The following MTM1 variants were observed in gnomAD, a reference collection of about 807,000 sequenced individuals.
MTM1 encodes myotubularin.
In MTM1, 9 loss-of-function variants were observed where a neutral mutation model predicts 52.1. The observed-to-expected ratio is 0.17, with a 90% CI of 0.10 to 0.30. MTM1 has a LOEUF of 0.30. Among genes scored for constraint, MTM1 ranks in the 10% least tolerant of loss-of-function variants. The pLI is 1.00. For missense variants in MTM1, 277 were observed against 470.7 expected (o/e 0.59, Z 3.81); for synonymous variants, 136 against 163.8 (o/e 0.83, Z 1.29).
At position 150,672,516 on chromosome X, in the gene MTM1, C is replaced by T. The variant is rs1475991851; in HGVS notation, c.*921C>T. 2 of 111,686 alleles carry T rather than the reference C, an allele frequency of 1.8e-5. No individual in the cohort carries two copies. The highest frequency in any genetic ancestry group is 6.5e-5 in the African/African-American group (2 of 30,701). The allele number at this position is 111,686 out of a possible 1,213,427, so 9.2% of individuals were successfully genotyped here. On this transcript the variant is annotated 3_prime_UTR_variant, in exon 15 of 15. Transcript: ENST00000370396. ...AGCATCATCCTTAGAAATCAGTGCC[C>T]CAGATGTACATGTGTTGAGCGTATT...
intron 6 of MTM1, among the ~76,000 whole-genome samples, chrX:150,630,757 T>C (rs782248445): frequency 2.1e-4 from 24 of 111,827 alleles, no homozygotes; most frequent in Non-Finnish European, 4.3e-4. Flanking sequence ...AGAGTCTGTG[T>C]TGAGGGGCTC....
At chrX:150,574,775 A>G (rs1557411579) in intron 1 of MTM1, among the ~76,000 whole-genome samples, 1 of 112,182 alleles carries the variant, frequency 8.9e-6, no homozygotes, top group Admixed American at 9.4e-5. Context: ...TGAGGATTTC[A>G]TCAGATTCAC....
At chrX:150,588,972 T>G (rs369808807) in intron 1 of MTM1, among the ~76,000 whole-genome samples, 6 of 111,942 alleles carry the variant, frequency 5.4e-5, no homozygotes, top group East Asian at 2.8e-4. Flanking sequence ...ATTCACTCAT[T>G]TAACAAATAC....
chrX:150,611,478 G>A (rs1240424269), intron 4 of MTM1, among the ~76,000 whole-genome samples: 1 of 111,669 alleles, frequency 9.0e-6, no homozygotes, highest in African/African-American at 3.3e-5. Context: ...AATTATACTC[G>A]TACACTTTTT....
intron 6 of MTM1, among the ~76,000 whole-genome samples, chrX:150,632,199 G>A (rs370577619): frequency 3.6e-4 from 40 of 111,895 alleles, no homozygotes; most frequent in African/African-American, 1.2e-3. Flanking sequence ...TGTCACAGGA[G>A]CACAAAGGAG....
intron 1 of MTM1, among the ~76,000 whole-genome samples, chrX:150,570,236 AAAAAT>A (rs10552569): frequency 0.22 from 24,782 of 110,724 alleles, 3,037 homozygotes; most frequent in African/African-American, 0.47. Flanking sequence ...CACACAATAA[AAAAAT>A]AAACAATGAT....
intron 1 of MTM1, among the ~76,000 whole-genome samples, chrX:150,576,404 G>A (rs1412719515): frequency 9.0e-6 from 1 of 111,486 alleles, no homozygotes; most frequent in Non-Finnish European, 1.9e-5. Flanking sequence ...TCCTACTATT[G>A]TTTGTTTGTG....
intron 8 of MTM1, among the ~76,000 whole-genome samples, chrX:150,645,047 C>T (rs1352098799): frequency 8.9e-6 from 1 of 111,892 alleles, no homozygotes; most frequent in Non-Finnish European, 1.9e-5. Flanking sequence ...GCTTGGCAAC[C>T]AGGGAGCAAA....
chrX:150,620,047 A>T (rs1228533096), intron 6 of MTM1, among the ~76,000 whole-genome samples: 4 of 112,007 alleles, frequency 3.6e-5, no homozygotes, highest in African/African-American at 1.3e-4. Context: ...TGTGATTTTT[A>T]AAAATATGTC....
chrX:150,622,367 G>A (rs2039497457), intron 6 of MTM1, among the ~76,000 whole-genome samples: 1 of 111,744 alleles, frequency 8.9e-6, no homozygotes, highest in Non-Finnish European at 1.9e-5. Context: ...TGGAATAGCA[G>A]TCCCTGATAT....
At chrX:150,568,304 G>A (rs1271292782), upstream of MTM1, among the ~76,000 whole-genome samples, 3 of 113,193 alleles carry the variant, frequency 2.7e-5, no homozygotes, top group Non-Finnish European at 5.6e-5. Flanking sequence ...TCCGCCCGGC[G>A]CCCAGTCCAA....
intron 4 of MTM1, among the ~76,000 whole-genome samples, chrX:150,605,616 G>A (rs1222652822): frequency 1.8e-5 from 2 of 112,465 alleles, no homozygotes; most frequent in Non-Finnish European, 3.8e-5. Flanking sequence ...AAGTGCTTCT[G>A]TGAAGAACTA....
At chrX:150,647,783 C>CT (rs1448936220) in intron 9 of MTM1, among the ~76,000 whole-genome samples, 16 of 111,960 alleles carry the variant, frequency 1.4e-4, no homozygotes, top group Non-Finnish European at 2.4e-4. Context: ...CAACAAGCAA[C>CT]GGCACATCAT....
chrX:150,563,886 A>AAAAC (rs782247535), upstream of MTM1, among the ~76,000 whole-genome samples: 69 of 111,380 alleles, frequency 6.2e-4, 1 homozygote, highest in East Asian at 8.6e-3. Context: ...ACTCTGTCTC[A>AAAAC]AAACAAACAA....
At chrX:150,644,672 G>T (rs2039901536) in intron 8 of MTM1, among the ~76,000 whole-genome samples, 1 of 111,045 alleles carries the variant, frequency 9.0e-6, no homozygotes, top group Admixed American at 9.6e-5. Context: ...CTGGCTGCTG[G>T]GCCTGCCTCT....
At chrX:150,615,607 C>T (rs2039370877) in intron 5 of MTM1, among the ~76,000 whole-genome samples, 1 of 111,465 alleles carries the variant, frequency 9.0e-6, no homozygotes, top group South Asian at 3.8e-4. Flanking sequence ...AGATTACTTG[C>T]CTTGTGTTGC....
chrX:150,651,508 C>T lies in MTM1; in HGVS notation c.1053+1607C>T, dbSNP rs139921843. On this transcript the variant is annotated intron_variant, in intron 10 of 14. Transcript: ENST00000370396. ...TTGTTTTTTTTTTTTTTTTTTTTAA[C>T]AATTCATTGGTGAGGATGACAAATT... is the stretch of plus-strand genomic sequence containing the variant. Among the ~76,000 whole-genome samples the T allele has an allele frequency of 1.2e-3, 92 of 78,309 alleles. 1 individual carries two copies. In the South Asian group the frequency reaches 0.051, roughly 44 times the overall value. The allele number at this position is 78,309 out of a possible 115,157, so 68.0% of individuals were successfully genotyped here. A position where few individuals can be genotyped will look rare whatever the true frequency, so the allele number is the denominator to read the frequency against.
intron 1 of MTM1, among the ~76,000 whole-genome samples, chrX:150,590,527 G>T (rs1397520358): frequency 9.0e-6 from 1 of 111,387 alleles, no homozygotes. Context: ...GTGGTGATGG[G>T]TGGCACAACT....
At chrX:150,586,915 A>T (rs1392415508) in intron 1 of MTM1, among the ~76,000 whole-genome samples, 3 of 104,132 alleles carry the variant, frequency 2.9e-5, no homozygotes, top group Non-Finnish European at 5.9e-5. Context: ...CTCTGTCTCA[A>T]AAAAAAAAAA....
Sources: allele counts gnomAD v4.1 joint callset (sites outside exome capture counted in the v4.1 genomes callset), GRCh38; gene constraint gnomAD v4.1.1; transcripts MANE v1.5; gene names NCBI Gene and HGNC (gene_info 2026-07-23, HGNC 2026-07-21).